The following UNC79 variants were observed in gnomAD, a reference collection of about 807,000 sequenced individuals.
UNC79 encodes unc-79 subunit of NALCN channel complex, also known as protein unc-79 homolog.
Under a neutral mutation model 283.1 loss-of-function variants are expected in UNC79, and 37 were observed. The observed-to-expected ratio is 0.13, with a 90% CI of 0.10 to 0.17. UNC79 has a LOEUF of 0.17. UNC79 is among the 10% of genes least tolerant of loss of function. The pLI is 1.00. For synonymous variants in UNC79, 1,107 were observed against 1,200.2 expected, an observed-to-expected ratio of 0.92 and a Z score of 1.61; for missense variants, 2,272 against 3,211.1, an observed-to-expected ratio of 0.71 and a Z score of 7.07.
chr14:93,681,976 C>T (rs1331605839), intron 41 of UNC79, among the ~76,000 whole-genome samples: 1 of 152,192 alleles, frequency 6.6e-6, no homozygotes, highest in Non-Finnish European at 1.5e-5. Flanking sequence ...GGATGAGGTG[C>T]ATCAAGCCTG....
chr14:93,335,807 C>T (rs189131564), intron 1 of UNC79, among the ~76,000 whole-genome samples: 340 of 152,342 alleles, frequency 2.2e-3, no homozygotes, highest in Non-Finnish European at 3.8e-3. Context: ...GGGCCTGAAA[C>T]CAACCCATCC....
chr14:93,591,315 A>G (rs1355940813), intron 22 of UNC79, among the ~76,000 whole-genome samples: 1 of 152,182 alleles, frequency 6.6e-6, no homozygotes, highest in African/African-American at 2.4e-5. Context: ...ATCCTTGAAC[A>G]ATGGGGAGGT....
At chr14:93,399,194 C>T (rs1056751756) in intron 1 of UNC79, among the ~76,000 whole-genome samples, 1 of 152,060 alleles carries the variant, frequency 6.6e-6, no homozygotes, top group African/African-American at 2.4e-5. Context: ...CCCCATGACC[C>T]AAACACCTCC....
chr14:93,348,523 A>T (rs1433872567), intron 1 of UNC79, among the ~76,000 whole-genome samples: 2 of 152,190 alleles, frequency 1.3e-5, no homozygotes, highest in Non-Finnish European at 2.9e-5. Flanking sequence ...GCTGTGAGGT[A>T]ATATAAGTTT....
chr14:93,411,544 G>A (rs985779079), intron 1 of UNC79, among the ~76,000 whole-genome samples: 1 of 152,216 alleles, frequency 6.6e-6, no homozygotes, highest in Non-Finnish European at 1.5e-5. Context: ...TGACCACAGT[G>A]GGGGCTTGTG....
At chr14:93,367,968 G>T (rs2054368178) in intron 1 of UNC79, among the ~76,000 whole-genome samples, 1 of 152,200 alleles carries the variant, frequency 6.6e-6, no homozygotes, top group Non-Finnish European at 1.5e-5. Flanking sequence ...CAGGAACACA[G>T]CATCCCAGTG....
intron 31 of UNC79, 83 bp from the exon 34 acceptor site, chr14:93,634,438 T>G: frequency 2.2e-5 from 23 of 1,023,330 alleles, no homozygotes; most frequent in Non-Finnish European, 3.3e-5. Flanking sequence ...GAAGGGTCAA[T>G]TAAAATTCTA....
chr14:93,586,537 G>A (rs546513129), intron 20 of UNC79, 59 bp from the exon 21 acceptor site: 10 of 1,431,810 alleles, frequency 7.0e-6, no homozygotes, highest in African/African-American at 5.7e-5. Context: ...TTGATAAATT[G>A]ATGAATGATG....
intron 39 of UNC79, among the ~76,000 whole-genome samples, 189 bp from the exon 43 acceptor site, chr14:93,662,415 T>A (rs2140458110): frequency 6.6e-6 from 1 of 152,322 alleles, no homozygotes; most frequent in East Asian, 1.9e-4. Flanking sequence ...GTCCTGCTCT[T>A]TGAGCCCTTG....
intron 1 of UNC79, among the ~76,000 whole-genome samples, chr14:93,358,976 G>A (rs762495915): frequency 2.0e-5 from 3 of 152,224 alleles, no homozygotes; most frequent in Non-Finnish European, 4.4e-5. Flanking sequence ...AACTACTTGA[G>A]TTTTCTAATT....
Position 93,333,509 on chromosome 14 carries a change from GAGCACTTGTCTATCGTA to G in UNC79, c.-353_-351+14del, listed in dbSNP as rs2053502033. On this transcript the variant is annotated splice_donor_variant and splice_donor_region_variant and 5_prime_UTR_variant and intron_variant, in exon 1 of 50. Coordinates refer to the UNC79 transcript ENST00000256339. LOFTEE classifies it low-confidence loss of function (5UTR_SPLICE). ...ATTCCGGTGGCTGCTTCTTGGCAGT[GAGCACTTGTCTATCGTA>G]AGCACTTGTCTGCATGGTACTTTTA... 2 of 398,444 alleles carry G rather than the reference GAGCACTTGTCTATCGTA, an allele frequency of 5.0e-6. No individual in the cohort carries two copies. The highest frequency in any genetic ancestry group is 4.4e-6 in the Non-Finnish European group (1 of 225,990). The allele number at this position is 398,444 out of a possible 1,614,324, so 24.7% of individuals were successfully genotyped here.
At position 93,381,510 on chromosome 14, in the gene UNC79, A is replaced by G. The variant is rs886891188; in HGVS notation, c.-351+47987A>G. On this transcript the variant is annotated intron_variant, in intron 1 of 49. Transcript: ENST00000256339. ...ATGAAGAGTGAGCTGGGTTTGGAAAATAGCAACATTCCCACCAATAGTGCT... is the reference window on the plus strand; with the variant it reads ...ATGAAGAGTGAGCTGGGTTTGGAAAGTAGCAACATTCCCACCAATAGTGCT... 3.3e-5 allele frequency among the ~76,000 whole-genome samples: 5 copies of G among 152,202 alleles called. No homozygotes were observed. The East Asian group carries it at 7.7e-4, about 23-fold the overall frequency.
intron 4 of UNC79, 30 bp from the exon 5 acceptor site, chr14:93,487,633 T>G: frequency 6.3e-7 from 1 of 1,588,950 alleles, no homozygotes; most frequent in East Asian, 2.2e-5. Context: ...GAGATTAAAT[T>G]GTGTCTAATC....
intron 47 of UNC79, among the ~76,000 whole-genome samples, chr14:93,697,027 T>C (rs1432056263): frequency 2.0e-5 from 3 of 152,226 alleles, no homozygotes; most frequent in African/African-American, 7.2e-5. Flanking sequence ...AAAAATACTA[T>C]ACTTTCTCCG....
At chr14:93,469,939 C>A (rs1000688366) in intron 2 of UNC79, among the ~76,000 whole-genome samples, 1 of 152,006 alleles carries the variant, frequency 6.6e-6, no homozygotes, top group Non-Finnish European at 1.5e-5. Flanking sequence ...CATTTGGTGT[C>A]CAAGATTAGT....
Sources: gnomAD v4.1 joint callset for allele counts (sites outside exome capture counted in the v4.1 genomes callset) on GRCh38, gnomAD v4.1.1 for gene constraint, MANE v1.5 for transcripts, NCBI Gene and HGNC (gene_info 2026-07-23, HGNC 2026-07-21) for gene names.